SMCHD1: variants seen among roughly 807,000 people sequenced by gnomAD.
SMCHD1 encodes structural maintenance of chromosomes flexible hinge domain-containing protein 1.
Under a neutral mutation model 254.7 loss-of-function variants are expected in SMCHD1, and 78 were observed. That is an observed-to-expected ratio of 0.31 (90% CI 0.26 to 0.37). The LOEUF (loss-of-function observed/expected upper bound fraction) is 0.37, where lower values mean the gene tolerates loss of function less well. Among genes scored for constraint, SMCHD1 ranks in the 10% least tolerant of loss-of-function variants. SMCHD1 has a pLI of 1.00. For synonymous variants in SMCHD1, 766 were observed against 794.9 expected (o/e 0.96, Z 0.61); for missense variants, 1,840 against 2,408.1 (o/e 0.76, Z 4.94).
intron 30 of SMCHD1, among the ~76,000 whole-genome samples, chr18:2,749,354 A>T (rs913791612): frequency 6.6e-6 from 1 of 152,270 alleles, no homozygotes; most frequent in Middle Eastern, 3.4e-3. Flanking sequence ...TTTTTCTTCT[A>T]CTGTGGTCTA....
chr18:2,755,782 T>C (rs1027483213), intron 34 of SMCHD1, among the ~76,000 whole-genome samples: 7 of 151,638 alleles, frequency 4.6e-5, no homozygotes, highest in East Asian at 2.0e-4. Flanking sequence ...TTAGCCAGGA[T>C]GATCTCGATC....
At chr18:2,746,576 T>G (rs1011446429) in intron 29 of SMCHD1, among the ~76,000 whole-genome samples, 2 of 152,026 alleles carry the variant, frequency 1.3e-5, no homozygotes, top group African/African-American at 2.4e-5. Context: ...ATCTCAAGGG[T>G]GTTTGGTTTT....
chr18:2,781,985 T>C (rs2076164213), intron 44 of SMCHD1, among the ~76,000 whole-genome samples: 1 of 152,198 alleles, frequency 6.6e-6, no homozygotes, highest in Non-Finnish European at 1.5e-5. Flanking sequence ...TGATGAAAGA[T>C]ACCAATACTA....
chr18:2,790,611 AT>A (rs2076304058), intron 45 of SMCHD1, among the ~76,000 whole-genome samples: 2 of 152,252 alleles, frequency 1.3e-5, no homozygotes, highest in South Asian at 4.2e-4. Context: ...AATACAAAAA[AT>A]TAGCTGGGCG....
intron 5 of SMCHD1, among the ~76,000 whole-genome samples, chr18:2,677,960 T>C (rs1445680643): frequency 6.6e-6 from 1 of 152,188 alleles, no homozygotes; most frequent in African/African-American, 2.4e-5. Context: ...TTCTAGGGAT[T>C]ACAACCAGCA....
At chr18:2,800,289 A>T (rs1247902299) in intron 47 of SMCHD1, among the ~76,000 whole-genome samples, 1 of 152,132 alleles carries the variant, frequency 6.6e-6, no homozygotes, top group Non-Finnish European at 1.5e-5. Flanking sequence ...CCAGATTTTC[A>T]ACCCAAACTT....
chr18:2,769,731 G>A lies in SMCHD1; in HGVS notation c.4757G>A (p.Ser1586Asn), dbSNP rs1226008579. Residue 1586 changes from serine to asparagine, a missense_variant, in exon 38 of 48, where the codon AGT becomes AAT. This residue lies in a region of SMCHD1 where 881 missense variants were observed against 1,009.5 expected (regional missense o/e 0.87). Transcript: ENST00000320876. ...GCAGAAAGTAGTCCTGGAAGGGATA[G>A]TACTGAATATTTTATTGTATTTGAG... is the stretch of plus-strand genomic sequence containing the variant. ...VLAESSPGRD[S>N]TEYFIVFEPR... 2 of 1,602,338 alleles carry A rather than the reference G, an allele frequency of 1.2e-6. No individual in the cohort carries two copies. Among genetic ancestry groups the A allele is most frequent in the Non-Finnish European group, 1.7e-6 (2 of 1,173,278 alleles).
At chr18:2,709,246 A>ATATATATATATATATATGTATATG (rs759808617) in intron 17 of SMCHD1, among the ~76,000 whole-genome samples, 1 of 107,450 alleles carries the variant, frequency 9.3e-6, no homozygotes. Context: ...ATATATATAT[A>ATATATATATATATATATGTATATG]TATACACACA....
At position 2,782,250 on chromosome 18, in the gene SMCHD1, CT is replaced by C. The variant is rs1338445242; in HGVS notation, c.5548-2193del. On this transcript the variant is annotated intron_variant, in intron 44 of 47. Transcript: ENST00000320876. ...GCAGAATTTGCAAACACCATGATAA[CT>C]TTTTTTGTCCTAATAGTGTACTTAG... is the stretch of plus-strand genomic sequence containing the variant. Among the ~76,000 whole-genome samples, 3 of 152,210 alleles carry C rather than the reference CT, an allele frequency of 2.0e-5. No homozygotes were observed. The South Asian group carries it at 6.2e-4, about 32-fold the overall frequency.
intron 47 of SMCHD1, among the ~76,000 whole-genome samples, chr18:2,797,912 C>T (rs915359217): frequency 3.3e-5 from 5 of 150,826 alleles, no homozygotes; most frequent in Non-Finnish European, 7.4e-5. Flanking sequence ...AGCATAACTC[C>T]GTCTCAAAAA....
In SMCHD1 at chr18:2,702,308, A is replaced by AAAAAAAAAAAAAAAG. The variant is rs57964967; in HGVS notation, c.1648-1384_1648-1383insAAAAAAAAAAAAAAG. Reference sequence around the variant, plus strand: ...TTCTGTATTTAAAAAAAAAAAAAAAAGAAGGAAATGTTCAAATACACAGAA... The same window carrying AAAAAAAAAAAAAAAG: ...TTCTGTATTTAAAAAAAAAAAAAAAAAAAAAAAAAAAAAAGGAAGGAAATGTTCAAATACACAGAA... On this transcript the variant is annotated intron_variant, in intron 12 of 47. Transcript: ENST00000320876. 10 of 119,820 alleles carry AAAAAAAAAAAAAAAG rather than the reference A, an allele frequency of 8.3e-5. 3 individuals are homozygous for AAAAAAAAAAAAAAAG. The highest frequency in any genetic ancestry group is 2.4e-4 in the East Asian group (1 of 4,154). The allele number at this position is 119,820 out of a possible 1,614,324, so 7.4% of individuals were successfully genotyped here.
intron 10 of SMCHD1, among the ~76,000 whole-genome samples, chr18:2,699,828 A>T (rs936023466): frequency 7.2e-5 from 11 of 152,214 alleles, no homozygotes; most frequent in African/African-American, 2.7e-4. Flanking sequence ...ACTTCTTGTG[A>T]GGGCTTTTAG....
At chr18:2,668,602 A>G (rs988992802) in intron 3 of SMCHD1, among the ~76,000 whole-genome samples, 3 of 152,136 alleles carry the variant, frequency 2.0e-5, no homozygotes, top group East Asian at 1.9e-4. Context: ...TAAAAACACT[A>G]AAGTCTTACT....
chr18:2,697,025 A>G lies in SMCHD1; in HGVS notation c.1041-7A>G, dbSNP rs1296152939. The G allele has an allele frequency of 4.9e-6, 6 of 1,232,652 alleles. No homozygotes were observed. The African/African-American group carries it at 6.2e-5, about 13-fold the overall frequency. The allele number at this position is 1,232,652 out of a possible 1,614,324, so 76.4% of individuals were successfully genotyped here. A position where few individuals can be genotyped will look rare whatever the true frequency, so the allele number is the denominator to read the frequency against. ...TAAAAGTATAAAATTATTCTTCTCT[A>G]TTTTAGGCATATTTATCACTACTAT... On this transcript the variant is annotated splice_region_variant and splice_polypyrimidine_tract_variant and intron_variant, in intron 8 of 47. Coordinates refer to ENST00000320876, the MANE Select transcript of SMCHD1 (RefSeq NM_015295.3).
intron 25 of SMCHD1, among the ~76,000 whole-genome samples, chr18:2,734,833 G>T (rs2075215274): frequency 1.3e-5 from 2 of 151,984 alleles, no homozygotes; most frequent in African/African-American, 2.4e-5. Context: ...ACTTTGGGAG[G>T]ATGAGGCAGG....
intron 12 of SMCHD1, among the ~76,000 whole-genome samples, chr18:2,703,431 G>A (rs1028076126): frequency 5.3e-5 from 8 of 152,090 alleles, no homozygotes; most frequent in East Asian, 1.9e-4. Context: ...AATTAAAGGC[G>A]GAAAGGAAGG....
Position 2,656,038 on chromosome 18 carries a change from G to T in SMCHD1, c.-38G>T, listed in dbSNP as rs1253078886. The T allele has an allele frequency of 1.5e-6, 2 of 1,309,270 alleles. No individual in the cohort carries two copies. The highest frequency in any genetic ancestry group is 1.9e-6 in the Non-Finnish European group (2 of 1,026,774). 81.1% of individuals were successfully genotyped at this position (1,309,270 alleles called of 1,614,324 possible). On this transcript the variant is annotated 5_prime_UTR_variant, in exon 1 of 48. Coordinates refer to ENST00000320876, the MANE Select transcript of SMCHD1 (RefSeq NM_015295.3). ...CGCGCACCTCAGCCCTGAGCCCGGC[G>T]GCGGCAGGCGTCGCTGTCTTTTCTC...
Position 2,724,907 on chromosome 18 carries a change from C to G in SMCHD1, c.2612C>G (p.Ser871Cys). ...TAATTTTTTTTCCCCAGTGGTTTAT[C>G]TTTACATTATGAAGAAATAACCAAA... The part of the protein sequence containing the change: ...IQPVLEASGL[S>C]LHYEEITKGP... The change falls in exon 21 of 48, where the codon TCT becomes TGT. Residue 871 changes from serine to cysteine, a missense_variant. Ser to Cys is a moderately radical substitution (Grantham distance 112). Coordinates refer to ENST00000320876, the MANE Select transcript of SMCHD1 (RefSeq NM_015295.3). 1 of 1,572,354 alleles carries G rather than the reference C, an allele frequency of 6.4e-7. No homozygotes were observed. Among genetic ancestry groups the G allele is most frequent in the Non-Finnish European group, 8.7e-7 (1 of 1,154,212 alleles).
At chr18:2,795,039 G>GTTTTTTTT (rs201312816) in intron 45 of SMCHD1, among the ~76,000 whole-genome samples, 2 of 148,554 alleles carry the variant, frequency 1.3e-5, no homozygotes, top group Admixed American at 6.7e-5. Flanking sequence ...AAAATTCTGG[G>GTTTTTTTT]TTTTTTTTTT....
Sources: allele counts gnomAD v4.1 joint callset (sites outside exome capture counted in the v4.1 genomes callset), GRCh38; gene constraint gnomAD v4.1.1; regional missense constraint gnomAD v4.1.1; transcripts MANE v1.5; gene names NCBI Gene and HGNC (gene_info 2026-07-23, HGNC 2026-07-21).